Variants in NEIL1 observed in about 807,000 individuals in gnomAD.
The protein encoded by NEIL1 is endonuclease 8-like 1.
In NEIL1, 31 loss-of-function variants were observed where a neutral mutation model predicts 44.2. The observed-to-expected ratio is 0.70, with a 90% CI of 0.53 to 0.95. The LOEUF is 0.95. NEIL1 is among the 40% of genes least tolerant of loss of function. The pLI is 0.00. For synonymous variants in NEIL1, 254 were observed against 209.7 expected (o/e 1.21, Z -1.83); for missense variants, 549 against 515.5 (o/e 1.07, Z -0.63).
intron 1 of NEIL1, chr15:75,348,300 C>G (rs1482266760): frequency 1.0e-6 from 1 of 985,198 alleles, no homozygotes; most frequent in Non-Finnish European, 1.2e-6. Context: ...CGCCGCTCCC[C>G]CGCGCCAGGC....
Position 75,354,267 on chromosome 15 carries a change from G to T in NEIL1, c.864G>T (p.Leu288Phe). 1 of 1,614,104 alleles carries T rather than the reference G, an allele frequency of 6.2e-7. No individual in the cohort carries two copies. The highest frequency in any genetic ancestry group is 8.5e-7 in the Non-Finnish European group (1 of 1,179,994). ...CATTTTAGGGGGATCCTGGACCGTT[G>T]GCACCCAAAGGTAAGCTACTCCTAA... ...TIWFQGDPGP[L>F]APKGRKSRKK... Residue 288 changes from leucine (L) to phenylalanine (F), a missense_variant, in exon 7 of 10, where the codon TTG (leucine) becomes TTT (phenylalanine). Coordinates refer to ENST00000355059, the MANE Select transcript of NEIL1 (RefSeq NM_024608.4).
chr15:75,352,332 T>A lies in NEIL1; in HGVS notation c.563T>A (p.Ile188Asn). The part of the protein sequence containing the change: ...LRAEILYRLK[I>N]PPFEKARSVL... ...CCTTGCCCCCACTACAGGCTGAAGA[T>A]CCCCCCCTTTGAGAAGGCCCGCTCG... Residue 188 changes from isoleucine (I) to asparagine (N), a missense_variant, in exon 4 of 10, where the codon ATC becomes AAC. Ile to Asn is a moderately radical substitution (Grantham distance 149). Transcript: ENST00000355059. 6.2e-7 allele frequency: 1 copy of A among 1,613,442 alleles called. No individual in the cohort carries two copies. Among genetic ancestry groups the A allele is most frequent in the Non-Finnish European group, 8.5e-7 (1 of 1,179,886 alleles).
intron 8 of NEIL1, 30 bp from the exon 9 acceptor site, chr15:75,354,621 GCC>G: frequency 1.2e-6 from 2 of 1,613,854 alleles, no homozygotes; most frequent in Non-Finnish European, 8.5e-7. Flanking sequence ...TGCTTTCTGA[GCC>G]CCTCAGGGAC....
At chr15:75,348,130 C>T (rs1406216545) in intron 1 of NEIL1, 2 of 776,172 alleles carry the variant, frequency 2.6e-6, no homozygotes, top group African/African-American at 1.9e-5. Context: ...CTGGTGCCCG[C>T]CGTCCTCCTG....
intron 1 of NEIL1, chr15:75,348,172 C>T: frequency 1.4e-6 from 1 of 692,866 alleles, no homozygotes; most frequent in Non-Finnish European, 1.8e-6. Context: ...CAGCGCATGG[C>T]GGCAGCCCGC....
At chr15:75,349,448 T>G in intron 2 of NEIL1, 109 bp downstream of exon 2, 1 of 1,047,230 alleles carries the variant, frequency 9.5e-7, no homozygotes, top group Non-Finnish European at 1.4e-6. Flanking sequence ...TGGGCCTCAG[T>G]TCTCTCATCT....
chr15:75,355,148 T>C lies in NEIL1; in HGVS notation c.*114T>C. On this transcript the variant is annotated 3_prime_UTR_variant, in exon 10 of 10. Transcript: ENST00000355059. The stretch of plus-strand genomic sequence containing the variant: ...AAGGTGCAAACAGGCCCTACGGCTG[T>C]TCCCTGCACAACTCTCATGGTTTTA... The C allele has an allele frequency of 1.3e-6, 1 of 780,104 alleles. No individual in the cohort carries two copies. The highest frequency in any genetic ancestry group is 1.7e-5 in the African/African-American group (1 of 57,478). The allele number at this position is 780,104 out of a possible 1,614,324, so 48.3% of individuals were successfully genotyped here. A position where few individuals can be genotyped will look rare whatever the true frequency, so the allele number is the denominator to read the frequency against.
At chr15:75,348,146 C>A (rs2071587208) in intron 1 of NEIL1, 2 of 717,040 alleles carry the variant, frequency 2.8e-6, no homozygotes, top group Non-Finnish European at 3.6e-6. Flanking sequence ...TCCTGCGGAG[C>A]CATGGGGAGC....
Position 75,355,335 on chromosome 15 carries a change from CA to C in NEIL1, c.*304del, listed in dbSNP as rs1368655803. On this transcript the variant is annotated 3_prime_UTR_variant, in exon 10 of 10. Coordinates refer to ENST00000355059, the MANE Select transcript of NEIL1 (RefSeq NM_024608.4). ...ACAGAAGGCCCAGCTCCTCACAAGG[CA>C]AACTGAGCCCCCATCCCAGTCCTCA... The C allele has an allele frequency of 5.5e-6, 2 of 364,920 alleles. No homozygotes were observed. The highest frequency in any genetic ancestry group is 4.3e-5 in the African/African-American group (2 of 46,950). 22.6% of individuals were successfully genotyped at this position (364,920 alleles called of 1,614,324 possible).
chr15:75,347,363 T>C lies in NEIL1; in HGVS notation c.-133T>C, dbSNP rs912673830. 3 of 152,260 alleles carry C rather than the reference T, an allele frequency of 2.0e-5. No individual in the cohort carries two copies. Among genetic ancestry groups the C allele is most frequent in the African/African-American group, 7.2e-5 (3 of 41,454 alleles). 9.4% of individuals were successfully genotyped at this position (152,260 alleles called of 1,614,324 possible). On this transcript the variant is annotated 5_prime_UTR_variant, in exon 1 of 10. Transcript: ENST00000355059. ...CCGACCCTGTCCCACGCTAGCTGGG[T>C]GACTTCCCCCAACCGCAGAGACAGC...
At position 75,356,890 on chromosome 15, in the gene NEIL1, G is replaced by A. The variant is rs777713379; in HGVS notation, c.*1856G>A. ...CCGTGTTCTGACAGATCCATCCAGC[G>A]ATGGGCCCACACCTGGAGGGCAGAT... On this transcript the variant is annotated 3_prime_UTR_variant, in exon 10 of 10. Transcript: ENST00000355059. The surrounding 1 kb of genome is among the most constrained non-coding windows in gnomAD (Gnocchi z 5.8). The A allele has an allele frequency of 2.9e-5, 47 of 1,613,870 alleles. No homozygotes were observed. The highest frequency in any genetic ancestry group is 3.8e-5 in the Non-Finnish European group (45 of 1,179,974).
Position 75,356,314 on chromosome 15 carries a change from TCCA to T in NEIL1, c.*1281_*1283del. The T allele has an allele frequency of 6.2e-7, 1 of 1,611,512 alleles. No homozygotes were observed. On this transcript the variant is annotated 3_prime_UTR_variant, in exon 10 of 10. Coordinates refer to ENST00000355059, the MANE Select transcript of NEIL1 (RefSeq NM_024608.4). The surrounding 1 kb of genome is among the most constrained non-coding windows in gnomAD (Gnocchi z 5.8). Reference sequence around the variant, plus strand: ...CCCACCCCTTGCCTGCTTGACGGTCTCCAATACGACCGCGGGTGAAGACACGGA... The same window carrying T: ...CCCACCCCTTGCCTGCTTGACGGTCTATACGACCGCGGGTGAAGACACGGA...
chr15:75,356,188 A>G lies in NEIL1; in HGVS notation c.*1154A>G. 2 of 1,613,424 alleles carry G rather than the reference A, an allele frequency of 1.2e-6. No individual in the cohort carries two copies. The highest frequency in any genetic ancestry group is 1.1e-5 in the South Asian group (1 of 91,068). ...GCCGTGGGCCTCATACAGCCTCAGG[A>G]CCAGCGAGCGGCGCTGGGGGCTGCT... On this transcript the variant is annotated 3_prime_UTR_variant, in exon 10 of 10. Transcript: ENST00000355059. This position sits in a 1 kb window ranked among gnomAD's most constrained non-coding sequence, Gnocchi z 5.8.
Position 75,352,343 on chromosome 15 carries a change from G to C in NEIL1, c.574G>C (p.Glu192Gln). The change falls in exon 4 of 10, where the codon GAG (glutamate) becomes CAG (glutamine). Residue 192 changes from glutamate (E) to glutamine (Q), a missense_variant. Glu to Gln is a conservative substitution (Grantham distance 29). Transcript: ENST00000355059. ...CTACAGGCTGAAGATCCCCCCCTTTGAGAAGGCCCGCTCGGTCCTGGAGGC... is the reference window on the plus strand; with the variant it reads ...CTACAGGCTGAAGATCCCCCCCTTTCAGAAGGCCCGCTCGGTCCTGGAGGC... ...ILYRLKIPPF[E>Q]KARSVLEALQ... is the part of the protein sequence containing the mutation. 1.2e-6 allele frequency: 2 copies of C among 1,614,140 alleles called. No homozygotes were observed. Among genetic ancestry groups the C allele is most frequent in the Non-Finnish European group, 1.7e-6 (2 of 1,180,030 alleles).
At position 75,356,373 on chromosome 15, in the gene NEIL1, G is replaced by A. The variant is rs369998431; in HGVS notation, c.*1339G>A. 3 of 1,611,640 alleles carry A rather than the reference G, an allele frequency of 1.9e-6. No homozygotes were observed. Among genetic ancestry groups the A allele is most frequent in the African/African-American group, 2.7e-5 (2 of 74,878 alleles). ...CACTCCAGGAGGTGGCGGGCGCTGG[G>A]CTGGGGGCTGGCAGAGCCAACAGGG... On this transcript the variant is annotated 3_prime_UTR_variant, in exon 10 of 10. Transcript: ENST00000355059. This position sits in a 1 kb window ranked among gnomAD's most constrained non-coding sequence, Gnocchi z 5.8.
intron 6 of NEIL1, 101 bp downstream of exon 6, chr15:75,353,967 AC>A (rs2072139127): frequency 6.7e-7 from 1 of 1,483,300 alleles, no homozygotes; most frequent in Non-Finnish European, 9.2e-7. Flanking sequence ...GTCTGTCTAG[AC>A]CCTCCAAGGA....
At position 75,353,778 on chromosome 15, in the gene NEIL1, T is replaced by C; in HGVS notation, c.758T>C (p.Phe253Ser). The change falls in exon 6 of 10, where the codon TTT becomes TCT. Residue 253 changes from phenylalanine to serine, a missense_variant. Transcript: ENST00000355059. ...GYGSESGEED[F>S]AAFRAWLRCY... ...GGGTCAGAGAGCGGGGAGGAGGACT[T>C]TGCTGCCTTTCGAGCCTGGCTGCGC... 2 of 1,614,120 alleles carry C rather than the reference T, an allele frequency of 1.2e-6. No individual in the cohort carries two copies. Among genetic ancestry groups the C allele is most frequent in the Non-Finnish European group, 1.7e-6 (2 of 1,179,992 alleles).
Position 75,348,822 on chromosome 15 carries a change from C to G in NEIL1, c.-22-62C>G, listed in dbSNP as rs2071645375. 4 of 1,547,852 alleles carry G rather than the reference C, an allele frequency of 2.6e-6. No homozygotes were observed. In the African/African-American group the frequency reaches 5.4e-5, roughly 21 times the overall value. On this transcript the variant is annotated intron_variant, in intron 1 of 9. Coordinates refer to ENST00000355059, the MANE Select transcript of NEIL1 (RefSeq NM_024608.4). ...TCCGAGTTCTCCTCTAAAAATGGGG[C>G]TGACAGCCGCTACCTCACAAAGTCC...
In NEIL1 at chr15:75,353,775, A is replaced by C. The variant is rs1446937859; in HGVS notation, c.755A>C (p.Asp252Ala). The C allele has an allele frequency of 1.9e-6, 3 of 1,613,950 alleles. No individual in the cohort carries two copies. The highest frequency in any genetic ancestry group is 2.5e-6 in the Non-Finnish European group (3 of 1,179,992). ...TACGGGTCAGAGAGCGGGGAGGAGG[A>C]CTTTGCTGCCTTTCGAGCCTGGCTG... ...KGYGSESGEE[D>A]FAAFRAWLRC... The change falls in exon 6 of 10, where the codon GAC becomes GCC. Residue 252 changes from aspartate (D) to alanine (A), a missense_variant. By Grantham distance (126) the Asp-to-Ala change is moderately radical. Coordinates refer to ENST00000355059, the MANE Select transcript of NEIL1 (RefSeq NM_024608.4).
Sources: allele counts gnomAD v4.1 joint callset, GRCh38; gene constraint gnomAD v4.1.1; non-coding constraint Gnocchi (gnomAD v3.1); transcripts MANE v1.5; gene names NCBI Gene and HGNC (gene_info 2026-07-23, HGNC 2026-07-21).